Variants in ZWILCH observed in about 807,000 individuals in gnomAD.
ZWILCH encodes the protein zwilch kinetochore protein, also known as protein zwilch homolog.
In ZWILCH, 74 loss-of-function variants were observed where a neutral mutation model predicts 79.9. That is an observed-to-expected ratio of 0.93 (90% confidence interval 0.77 to 1.12). The LOEUF (loss-of-function observed/expected upper bound fraction) is 1.12. Ranked by LOEUF, ZWILCH falls within the 50% of genes most tolerant of loss-of-function variation. ZWILCH has a pLI of 0.00. For synonymous variants in ZWILCH, 241 were observed against 228.2 expected (o/e 1.06, Z -0.51); for missense variants, 694 against 687.5 (o/e 1.01, Z -0.11).
chr15:66,522,197 CAAAAA>C (rs990758737), intron 7 of ZWILCH, among the ~76,000 whole-genome samples: 1 of 145,098 alleles, frequency 6.9e-6, no homozygotes, highest in Non-Finnish European at 1.5e-5. Flanking sequence ...GACTCTGTCT[CAAAAA>C]AAAAGAAGTC....
chr15:66,516,930 G>T (rs1375215241), intron 4 of ZWILCH, among the ~76,000 whole-genome samples: 4 of 152,166 alleles, frequency 2.6e-5, no homozygotes, highest in Non-Finnish European at 5.9e-5. Context: ...GCCAGTGTTT[G>T]TGTGGGTTGA....
intron 1 of ZWILCH, chr15:66,505,822 A>G (rs560068741): frequency 1.0e-4 from 21 of 203,638 alleles, no homozygotes; most frequent in Admixed American, 7.0e-4. Context: ...TACAATTGTA[A>G]TGATAGCAGA....
chr15:66,546,642 C>G lies in ZWILCH; in HGVS notation c.1739C>G (p.Thr580Ser), dbSNP rs1895380804. 6.2e-7 allele frequency: 1 copy of G among 1,609,258 alleles called. No homozygotes were observed. The highest frequency in any genetic ancestry group is 1.3e-5 in the African/African-American group (1 of 74,830). The change falls in exon 18 of 19, where the codon ACT (threonine) becomes AGT (serine). Residue 580 changes from threonine to serine, a missense_variant. Transcript: ENST00000307897. ...AGCCTGGAAGAAAGGATATTCTTTA[C>G]TAACATGGTTACCTGCAGCCAGGTG... ...NGSLEERIFF[T>S]NMVTCSQVHF... is the part of the protein sequence containing the mutation.
At chr15:66,529,083 C>A in intron 11 of ZWILCH, 126 bp downstream of exon 11, 1 of 690,728 alleles carries the variant, frequency 1.4e-6, no homozygotes, top group Non-Finnish European at 2.4e-6. Flanking sequence ...TTATCTAATT[C>A]ATTTCTAATG....
At chr15:66,523,786 GT>G in intron 8 of ZWILCH, 38 bp downstream of exon 8, 1 of 1,498,032 alleles carries the variant, frequency 6.7e-7, no homozygotes, top group South Asian at 1.2e-5. Flanking sequence ...TTAAATCTAT[GT>G]TTTTATAAAC....
In ZWILCH at chr15:66,515,551, A is replaced by T. The variant is rs755514803; in HGVS notation, c.227A>T (p.His76Leu). Residue 76 changes from histidine (H) to leucine (L), a missense_variant, in exon 4 of 19, where the codon CAT becomes CTT. Physicochemically the swap from His to Leu is moderately conservative, Grantham distance 99. Transcript: ENST00000307897. ...CCTTTAGAAAAGGAAGAAACAAGTC[A>T]TATTGAAGAACTTCAATCTGAAGAA... The part of the protein sequence containing the change: ...KVPLEKEETS[H>L]IEELQSEETA... 2 of 1,610,524 alleles carry T rather than the reference A, an allele frequency of 1.2e-6. No individual in the cohort carries two copies. Among genetic ancestry groups the T allele is most frequent in the South Asian group, 1.1e-5 (1 of 90,064 alleles).
At chr15:66,530,144 A>G (rs80070479) in intron 12 of ZWILCH, among the ~76,000 whole-genome samples, 1,972 of 152,338 alleles carry the variant, frequency 0.013, 35 homozygotes, top group African/African-American at 0.045. Flanking sequence ...GGCTAAGTAA[A>G]TAATGATATA....
At position 66,513,941 on chromosome 15, in the gene ZWILCH, A is replaced by G. The variant is rs775845627; in HGVS notation, c.106-47A>G. 8 of 1,408,998 alleles carry G rather than the reference A, an allele frequency of 5.7e-6. No homozygotes were observed. The African/African-American group carries it at 8.6e-5, about 15-fold the overall frequency. 87.3% of individuals were successfully genotyped at this position (1,408,998 alleles called of 1,614,324 possible). A position where few individuals can be genotyped will look rare whatever the true frequency, so the allele number is the denominator to read the frequency against. ...TGGTCTTTATGTGTTTAGATAGTAG[A>G]AATATATAAGTGTATGTATAATGTT... On this transcript the variant is annotated intron_variant, in intron 2 of 18. Coordinates refer to ENST00000307897, the MANE Select transcript of ZWILCH (RefSeq NM_017975.5).
At chr15:66,540,423 T>C (rs1895157223) in intron 17 of ZWILCH, among the ~76,000 whole-genome samples, 2 of 151,940 alleles carry the variant, frequency 1.3e-5, no homozygotes, top group Non-Finnish European at 2.9e-5. Flanking sequence ...CATGGTTGCA[T>C]GTGCCTGTAG....
intron 8 of ZWILCH, 71 bp downstream of exon 8, chr15:66,523,819 A>C: frequency 7.9e-7 from 1 of 1,269,152 alleles, no homozygotes; most frequent in Non-Finnish European, 1.1e-6. Flanking sequence ...TGTTGTTTTT[A>C]CTTAGGTTTG....
Position 66,520,617 on chromosome 15 carries a change from A to G in ZWILCH, c.548A>G (p.Glu183Gly). The change falls in exon 6 of 19, where the codon GAA becomes GGA. Residue 183 changes from glutamate to glycine, a missense_variant. By Grantham distance (98) the Glu-to-Gly change is moderately conservative (BLOSUM62 -2). Coordinates refer to ENST00000307897, the MANE Select transcript of ZWILCH (RefSeq NM_017975.5). Reference sequence around the variant, plus strand: ...GATAAAAATTATTCTGTAAATCTTGAAAACCTAAAAAATTTACACAAGAAA... The same window carrying G: ...GATAAAAATTATTCTGTAAATCTTGGAAACCTAAAAAATTTACACAAGAAA... Reference protein sequence around the residue: ...KADKNYSVNLENLKNLHKKRH... With the variant: ...KADKNYSVNLGNLKNLHKKRH... The G allele has an allele frequency of 6.5e-7, 1 of 1,548,112 alleles. No individual in the cohort carries two copies. Among genetic ancestry groups the G allele is most frequent in the East Asian group, 2.2e-5 (1 of 44,456 alleles).
chr15:66,528,012 A>ATGG, intron 10 of ZWILCH, 100 bp downstream of exon 10: 1 of 908,070 alleles, frequency 1.1e-6, no homozygotes, highest in Non-Finnish European at 1.6e-6. Flanking sequence ...TGGATTTGGG[A>ATGG]TATCAAGGCA....
intron 15 of ZWILCH, among the ~76,000 whole-genome samples, chr15:66,536,575 A>G (rs1247003301): frequency 6.6e-6 from 1 of 152,186 alleles, no homozygotes; most frequent in African/African-American, 2.4e-5. Context: ...TCTTATGTGT[A>G]TTTGAGGCCT....
chr15:66,545,312 C>T (rs998798562), intron 17 of ZWILCH, among the ~76,000 whole-genome samples: 4 of 152,034 alleles, frequency 2.6e-5, no homozygotes, highest in Non-Finnish European at 5.9e-5. Flanking sequence ...CAAGATCACG[C>T]CATTGCACTC....
chr15:66,534,403 C>T (rs554488703), intron 14 of ZWILCH, among the ~76,000 whole-genome samples: 20 of 152,194 alleles, frequency 1.3e-4, no homozygotes, highest in East Asian at 5.8e-4. Flanking sequence ...TGGATACCAA[C>T]GGACAACTGT....
At chr15:66,517,512 T>G (rs72752436) in intron 4 of ZWILCH, among the ~76,000 whole-genome samples, 7,582 of 143,122 alleles carry the variant, frequency 0.053, 298 homozygotes, top group Middle Eastern at 0.12. Flanking sequence ...GTAGTGAAGA[T>G]CTGGCACTCT....
chr15:66,536,401 A>G (rs1338142663), intron 15 of ZWILCH, among the ~76,000 whole-genome samples: 2 of 152,242 alleles, frequency 1.3e-5, no homozygotes, highest in Non-Finnish European at 2.9e-5. Context: ...AATTTGGGTC[A>G]AAATAGCCTT....
Position 66,550,058 on chromosome 15 carries a change from T to C in ZWILCH, c.*1734T>C. 1 of 1,604,414 alleles carries C rather than the reference T, an allele frequency of 6.2e-7. No homozygotes were observed. The highest frequency in any genetic ancestry group is 8.5e-7 in the Non-Finnish European group (1 of 1,175,970). ...TGACTCACCTGCAGCAAGCATCTGA[T>C]TGTTGATAGAGCAAGTTTCCAAAGC... On this transcript the variant is annotated 3_prime_UTR_variant, in exon 19 of 19. Coordinates refer to ENST00000307897, the MANE Select transcript of ZWILCH (RefSeq NM_017975.5).
chr15:66,514,882 C>G (rs931846713), intron 3 of ZWILCH, among the ~76,000 whole-genome samples: 1 of 152,156 alleles, frequency 6.6e-6, no homozygotes. Flanking sequence ...GTGAAAAATC[C>G]AAGAACGTCT....
Sources: allele counts gnomAD v4.1 joint callset (sites outside exome capture counted in the v4.1 genomes callset), GRCh38; gene constraint gnomAD v4.1.1; transcripts MANE v1.5; gene names NCBI Gene and HGNC (gene_info 2026-07-23, HGNC 2026-07-21).